The following ARHGAP32 variants were observed in gnomAD, a reference collection of about 807,000 sequenced individuals.
The protein encoded by ARHGAP32 is rho GTPase-activating protein 32.
ARHGAP32 carries 51 observed loss-of-function variants against 186.5 expected under a neutral mutation model. That is an observed-to-expected ratio of 0.27 (90% CI 0.22 to 0.35). ARHGAP32 has a LOEUF of 0.35. Ranked by LOEUF, ARHGAP32 falls within the 10% of genes least tolerant of loss-of-function variation. The probability of loss-of-function intolerance (pLI) is 1.00; values close to 1 mark genes in which losing one functional copy is unlikely to be tolerated. For missense variants in ARHGAP32, 2,186 were observed against 2,623.5 expected (o/e 0.83, Z 3.64); for synonymous variants, 950 against 964.3 (o/e 0.99, Z 0.27).
At chr11:129,215,794 G>A (rs1485672232) in intron 1 of ARHGAP32, among the ~76,000 whole-genome samples, 6 of 152,182 alleles carry the variant, frequency 3.9e-5, no homozygotes, top group Middle Eastern at 3.4e-3. Context: ...GTGGCAAACC[G>A]ATATGGCTCC....
chr11:129,246,821 G>C (rs1176695702), intron 1 of ARHGAP32, among the ~76,000 whole-genome samples: 1 of 152,092 alleles, frequency 6.6e-6, no homozygotes, highest in African/African-American at 2.4e-5. Flanking sequence ...ATTTTAAAAG[G>C]GCCTATCCTC....
Position 128,970,329 on chromosome 11 carries a change from T to C in ARHGAP32, c.4884A>G (p.Pro1628=). ...ATGGCTTATATTGGTACAGAGGTCT[T>C]GGGCAGTAGGCTGGCTCATCATCTG... ...VPPDDEPAYC[P]RPLYQYKPYQ... is the part of the protein sequence containing the mutation. Residue 1628 remains proline (P), a synonymous_variant, in exon 23 of 23, where the codon CCA becomes CCG. Transcript: ENST00000682385. This position sits in a 1 kb window ranked among gnomAD's most constrained non-coding sequence, Gnocchi z 5.8. 6.2e-7 allele frequency: 1 copy of C among 1,614,152 alleles called. No individual in the cohort carries two copies. The highest frequency in any genetic ancestry group is 8.5e-7 in the Non-Finnish European group (1 of 1,180,028).
At chr11:129,105,877 T>C (rs1942034307) in intron 5 of ARHGAP32, among the ~76,000 whole-genome samples, 1 of 151,922 alleles carries the variant, frequency 6.6e-6, no homozygotes, top group African/African-American at 2.4e-5. Context: ...AAAGAAACCA[T>C]GGACAAAGAA....
chr11:129,174,444 C>A (rs1307595157), intron 1 of ARHGAP32, among the ~76,000 whole-genome samples: 1 of 152,216 alleles, frequency 6.6e-6, no homozygotes, highest in Non-Finnish European at 1.5e-5. Context: ...CCCACCACAG[C>A]TCAAGGAGGC....
chr11:128,980,439 A>G (rs906023155), intron 18 of ARHGAP32, 114 bp downstream of exon 18: 2 of 736,480 alleles, frequency 2.7e-6, no homozygotes, highest in Non-Finnish European at 4.2e-6. Context: ...CTCTGGGACT[A>G]GCCTAGAATT....
intron 5 of ARHGAP32, among the ~76,000 whole-genome samples, chr11:129,107,591 G>A (rs1054402936): frequency 9.2e-5 from 14 of 152,152 alleles, no homozygotes; most frequent in East Asian, 3.8e-4. Context: ...ATTTTGGGCC[G>A]GACGTGGTGG....
intron 6 of ARHGAP32, among the ~76,000 whole-genome samples, chr11:129,067,728 G>C (rs1434028103): frequency 1.3e-5 from 2 of 151,938 alleles, no homozygotes; most frequent in Non-Finnish European, 2.9e-5. Flanking sequence ...AGAGCCTTTT[G>C]GCTCATAAAA....
At chr11:129,017,577 T>C (rs1938414199) in intron 11 of ARHGAP32, among the ~76,000 whole-genome samples, 1 of 152,150 alleles carries the variant, frequency 6.6e-6, no homozygotes, top group South Asian at 2.1e-4. Context: ...ATAAATGTGC[T>C]ATTGTTATTT....
intron 1 of ARHGAP32, among the ~76,000 whole-genome samples, chr11:129,270,184 T>TA (rs532529608): frequency 1.3e-5 from 2 of 151,712 alleles, no homozygotes; most frequent in East Asian, 3.9e-4. Flanking sequence ...TACTCAGCAA[T>TA]AAAAAAGAAA....
intron 1 of ARHGAP32, among the ~76,000 whole-genome samples, chr11:129,277,944 A>G (rs1277447446): frequency 6.6e-6 from 1 of 152,256 alleles, no homozygotes; most frequent in Non-Finnish European, 1.5e-5. Context: ...CCAATAAGGA[A>G]GGATATATTG....
At chr11:129,224,822 A>T (rs947172207) in intron 1 of ARHGAP32, among the ~76,000 whole-genome samples, 1 of 151,422 alleles carries the variant, frequency 6.6e-6, no homozygotes, top group Non-Finnish European at 1.5e-5. Flanking sequence ...TGCCTAAAAT[A>T]TTTAGAGGGC....
At chr11:129,214,274 T>C (rs1944617227) in intron 1 of ARHGAP32, among the ~76,000 whole-genome samples, 1 of 152,080 alleles carries the variant, frequency 6.6e-6, no homozygotes, top group African/African-American at 2.4e-5. Flanking sequence ...CAATAATATA[T>C]CCATATTGGT....
rs575769517 is a variant in ARHGAP32, at chr11:129,137,917, G to A, written c.226-13023C>T. On this transcript the variant is annotated intron_variant, in intron 2 of 22. Coordinates refer to ENST00000682385, the MANE Select transcript of ARHGAP32 (RefSeq NM_001378024.1). ...GATTAAATACTAAAGAATGTTCAGT[G>A]TCAATTACTGTACATTAACATGCAG... Among the ~76,000 whole-genome samples, 144 of 152,128 alleles carry A rather than the reference G, an allele frequency of 9.5e-4. 1 individual carries two copies. Among genetic ancestry groups the A allele is most frequent in the African/African-American group, 3.2e-3 (132 of 41,548 alleles).
intron 5 of ARHGAP32, among the ~76,000 whole-genome samples, chr11:129,107,619 A>T (rs1336165927): frequency 2.0e-5 from 3 of 152,218 alleles, no homozygotes; most frequent in African/African-American, 7.2e-5. Flanking sequence ...CTGTAATCCC[A>T]GCACTTTGGG....
At chr11:129,249,572 A>AT (rs925311502) in intron 1 of ARHGAP32, among the ~76,000 whole-genome samples, 10 of 152,166 alleles carry the variant, frequency 6.6e-5, no homozygotes, top group African/African-American at 1.9e-4. Context: ...AAGTAGACTC[A>AT]TTTTCTACCA....
upstream of ARHGAP32, among the ~76,000 whole-genome samples, chr11:129,192,362 C>T (rs551465718): frequency 1.3e-5 from 2 of 152,284 alleles, no homozygotes; most frequent in African/African-American, 4.8e-5. Context: ...GACAGGAAAT[C>T]ACAGGCAGCA....
At chr11:129,260,775 C>A (rs575540200) in intron 1 of ARHGAP32, among the ~76,000 whole-genome samples, 1 of 152,124 alleles carries the variant, frequency 6.6e-6, no homozygotes, top group African/African-American at 2.4e-5. Context: ...GCTGAGCAAT[C>A]AAAAAATAAT....
At chr11:129,148,581 A>C (rs1943220636) in intron 2 of ARHGAP32, among the ~76,000 whole-genome samples, 1 of 152,188 alleles carries the variant, frequency 6.6e-6, no homozygotes, top group Non-Finnish European at 1.5e-5. Flanking sequence ...TCCTACTGAA[A>C]TAAGTAGTAA....
At chr11:129,256,893 C>T (rs574862810) in intron 1 of ARHGAP32, among the ~76,000 whole-genome samples, 4 of 152,086 alleles carry the variant, frequency 2.6e-5, no homozygotes, top group East Asian at 1.9e-4. Flanking sequence ...AAGACTTCCG[C>T]GAATCTCTTA....
Sources: gnomAD v4.1 joint callset for allele counts (sites outside exome capture counted in the v4.1 genomes callset) on GRCh38, gnomAD v4.1.1 for gene constraint, Gnocchi (gnomAD v3.1) non-coding constraint, MANE v1.5 for transcripts, NCBI Gene and HGNC (gene_info 2026-07-23, HGNC 2026-07-21) for gene names.